Variants in LDB2 observed in about 807,000 individuals in gnomAD.
LDB2 encodes LIM domain binding 2.
A neutral mutation model predicts 44.3 loss-of-function variants in LDB2; 12 were observed. The observed-to-expected ratio is 0.27, with a 90% CI of 0.17 to 0.44. LDB2 has a LOEUF of 0.44. LDB2 is among the 20% of genes least tolerant of loss of function. The probability of loss-of-function intolerance (pLI) is 1.00; values close to 1 mark genes in which losing one functional copy is unlikely to be tolerated. For missense variants in LDB2, 344 were observed against 473.5 expected (o/e 0.73, Z 2.54); for synonymous variants, 164 against 174.8 (o/e 0.94, Z 0.49).
At chr4:16,766,275 T>G (rs114777075) in intron 1 of LDB2, among the ~76,000 whole-genome samples, 3,890 of 152,026 alleles carry the variant, frequency 0.026, 76 homozygotes, top group Non-Finnish European at 0.038. Flanking sequence ...CCTATTTTGT[T>G]TTTAATATTT....
chr4:16,765,353 C>T (rs191722342), intron 1 of LDB2, among the ~76,000 whole-genome samples: 9 of 152,202 alleles, frequency 5.9e-5, no homozygotes, highest in Admixed American at 5.9e-4. Context: ...TTTGTGCCTC[C>T]CTGCCTTTGC....
chr4:16,577,591 A>T (rs1712249354), intron 5 of LDB2, among the ~76,000 whole-genome samples: 2 of 152,204 alleles, frequency 1.3e-5, no homozygotes, highest in Non-Finnish European at 2.9e-5. Flanking sequence ...AAATGGAAAG[A>T]TATTCCATTT....
intron 2 of LDB2, among the ~76,000 whole-genome samples, chr4:16,706,448 ACT>A (rs1754636930): frequency 6.6e-6 from 1 of 152,198 alleles, no homozygotes; most frequent in Non-Finnish European, 1.5e-5. Flanking sequence ...TCTGCCAGTG[ACT>A]CAGTCTGGGA....
chr4:16,676,435 G>A (rs543286530), intron 2 of LDB2, among the ~76,000 whole-genome samples: 4 of 152,182 alleles, frequency 2.6e-5, no homozygotes, highest in East Asian at 1.9e-4. Flanking sequence ...AAGCCCCTTC[G>A]CCAAGATCAC....
At chr4:16,569,310 T>C (rs553171102) in intron 5 of LDB2, among the ~76,000 whole-genome samples, 2 of 152,342 alleles carry the variant, frequency 1.3e-5, no homozygotes, top group Admixed American at 1.3e-4. Flanking sequence ...CATGGCATGA[T>C]TGAACGGAAA....
At chr4:16,828,244 C>T (rs2110025118) in intron 1 of LDB2, among the ~76,000 whole-genome samples, 1 of 152,298 alleles carries the variant, frequency 6.6e-6, no homozygotes, top group South Asian at 2.1e-4. Flanking sequence ...TCAAGGCTCG[C>T]CTCCACCTGG....
At chr4:16,876,057 A>G (rs1204198201) in intron 1 of LDB2, among the ~76,000 whole-genome samples, 2 of 152,204 alleles carry the variant, frequency 1.3e-5, no homozygotes, top group African/African-American at 2.4e-5. Context: ...CCTGGCTCCA[A>G]TCCTGCCACC....
At chr4:16,522,240 A>T (rs1287726651) in intron 5 of LDB2, among the ~76,000 whole-genome samples, 1 of 151,128 alleles carries the variant, frequency 6.6e-6, no homozygotes, top group East Asian at 2.0e-4. Context: ...CCTACTTGTT[A>T]AAATTGTATA....
chr4:16,819,743 C>A (rs1781604780), intron 1 of LDB2, among the ~76,000 whole-genome samples: 1 of 152,252 alleles, frequency 6.6e-6, no homozygotes, highest in African/African-American at 2.4e-5. Flanking sequence ...AAAATTAAAG[C>A]AGCGATCTAG....
intron 1 of LDB2, among the ~76,000 whole-genome samples, chr4:16,844,042 C>A (rs1304089293): frequency 6.7e-6 from 1 of 148,226 alleles, no homozygotes; most frequent in African/African-American, 2.5e-5. Context: ...GGGTTGAGCC[C>A]AGCAGTTTGA....
At chr4:16,607,841 T>C (rs1014549884) in intron 2 of LDB2, among the ~76,000 whole-genome samples, 3 of 152,160 alleles carry the variant, frequency 2.0e-5, no homozygotes, top group Non-Finnish European at 4.4e-5. Context: ...AAATGTGGAC[T>C]TGGCACGCCT....
intron 2 of LDB2, among the ~76,000 whole-genome samples, chr4:16,675,300 A>G (rs1461345042): frequency 6.6e-6 from 1 of 152,176 alleles, no homozygotes; most frequent in Non-Finnish European, 1.5e-5. Context: ...TATGTGTTTA[A>G]TTCTATGCAA....
At chr4:16,572,732 T>G (rs551119111) in intron 5 of LDB2, among the ~76,000 whole-genome samples, 1 of 152,320 alleles carries the variant, frequency 6.6e-6, no homozygotes, top group South Asian at 2.1e-4. Context: ...TCCCTTATCA[T>G]GTAGTCATAT....
chr4:16,562,207 A>G (rs1338038048), intron 5 of LDB2, among the ~76,000 whole-genome samples: 1 of 152,210 alleles, frequency 6.6e-6, no homozygotes, highest in Non-Finnish European at 1.5e-5. Context: ...ACAAAAGACA[A>G]AATTGACAAA....
chr4:16,718,186 G>T (rs1475125104), intron 2 of LDB2, among the ~76,000 whole-genome samples: 1 of 151,936 alleles, frequency 6.6e-6, no homozygotes. Context: ...CTTCTAATGG[G>T]TGCTGGGTAT....
chr4:16,697,215 GAGATCGAGACC>G (rs1283316524), intron 2 of LDB2, among the ~76,000 whole-genome samples: 1 of 151,434 alleles, frequency 6.6e-6, no homozygotes, highest in African/African-American at 2.4e-5. Context: ...ACGAGATCAG[GAGATCGAGACC>G]ATCCTGGCTA....
At chr4:16,517,416 G>GA (rs1384388950) in intron 5 of LDB2, among the ~76,000 whole-genome samples, 1 of 152,058 alleles carries the variant, frequency 6.6e-6, no homozygotes, top group African/African-American at 2.4e-5. Flanking sequence ...CTTTGATGTT[G>GA]AAAAAAACTA....
chr4:16,583,581 G>A lies in LDB2; in HGVS notation c.615+2341C>T, dbSNP rs144236270. ...TGTCTTAAAAAAATTAGATGATAAG[G>A]CTACTAGAAGAATCTTAAATCCCAG... On this transcript the variant is annotated intron_variant, in intron 5 of 7. Coordinates refer to ENST00000304523, the MANE Select transcript of LDB2 (RefSeq NM_001290.5). 6.0e-3 allele frequency among the ~76,000 whole-genome samples: 919 copies of A among 152,246 alleles called. 7 individuals are homozygous for A. The highest frequency in any genetic ancestry group is 0.022 in the African/African-American group (897 of 41,550).
chr4:16,608,178 C>T (rs16893682), intron 2 of LDB2, among the ~76,000 whole-genome samples: 9,548 of 140,314 alleles, frequency 0.068, 369 homozygotes, highest in African/African-American at 0.082. Context: ...CACAAACATC[C>T]GACTCCATAC....
Sources: allele counts gnomAD v4.1 joint callset (sites outside exome capture counted in the v4.1 genomes callset), GRCh38; gene constraint gnomAD v4.1.1; transcripts MANE v1.5; gene names NCBI Gene and HGNC (gene_info 2026-07-23, HGNC 2026-07-21).